PPIL3: variants seen among roughly 807,000 people sequenced by gnomAD.
PPIL3 encodes peptidylprolyl isomerase like 3, also known as peptidyl-prolyl cis-trans isomerase-like 3.
In PPIL3, 13 loss-of-function variants were observed where a neutral mutation model predicts 20.9. The ratio of observed to expected loss-of-function variants is 0.62; its 90% CI spans 0.40 to 0.99. The LOEUF (loss-of-function observed/expected upper bound fraction) is 0.99, where lower values mean the gene tolerates loss of function less well. Ranked by LOEUF, PPIL3 falls within the 50% of genes least tolerant of loss-of-function variation. PPIL3 has a pLI of 0.00. For synonymous variants in PPIL3, 71 were observed against 64.4 expected (o/e 1.10, Z -0.49); for missense variants, 170 against 195.2 (o/e 0.87, Z 0.77).
intron 6 of PPIL3, 144 bp downstream of exon 6, chr2:200,876,775 G>C (rs1232330849): frequency 3.1e-6 from 2 of 650,338 alleles, no homozygotes; most frequent in East Asian, 5.6e-5. Flanking sequence ...TGCCCACCTT[G>C]GCCTCCCAAA....
chr2:200,883,784 A>G lies in PPIL3; in HGVS notation c.79-1349T>C, dbSNP rs141280403. The stretch of plus-strand genomic sequence containing the variant: ...AATGGGTTTCTTGTTTCGTTTTGAG[A>G]CAGGGTCTTGCTCTGTCACCTAGGC... On this transcript the variant is annotated intron_variant, in intron 3 of 6. Transcript: ENST00000392283. Among the ~76,000 whole-genome samples, 161 of 152,230 alleles carry G rather than the reference A, an allele frequency of 1.1e-3. 1 individual carries two copies. The highest frequency in any genetic ancestry group is 3.6e-3 in the African/African-American group (150 of 41,550).
Position 200,871,060 on chromosome 2 carries a change from A to G in PPIL3, c.*335T>C, listed in dbSNP as rs2039288814. 5.7e-6 allele frequency: 1 copy of G among 175,470 alleles called. No homozygotes were observed. The highest frequency in any genetic ancestry group is 1.2e-5 in the Non-Finnish European group (1 of 83,276). 10.9% of individuals were successfully genotyped at this position (175,470 alleles called of 1,614,324 possible). A position where few individuals can be genotyped will look rare whatever the true frequency, so the allele number is the denominator to read the frequency against. On this transcript the variant is annotated 3_prime_UTR_variant, in exon 7 of 7. Coordinates refer to ENST00000392283, the MANE Select transcript of PPIL3 (RefSeq NM_130906.3). ...ATAAAATAACACTTCCAGGATACGG[A>G]CTTGCTGTGGGAGGAATATGTAATC...
chr2:200,884,544 GT>G (rs1307480064), intron 3 of PPIL3, among the ~76,000 whole-genome samples: 1 of 151,936 alleles, frequency 6.6e-6, no homozygotes, highest in Non-Finnish European at 1.5e-5. Flanking sequence ...TCGAGACCAA[GT>G]TGGGCAACAT....
intron 5 of PPIL3, 84 bp from the exon 6 acceptor site, chr2:200,877,121 G>A (rs1280292582): frequency 6.5e-6 from 6 of 927,082 alleles, no homozygotes; most frequent in South Asian, 5.7e-5. Flanking sequence ...GCACACCTTT[G>A]TTTTCTTTTT....
In PPIL3 at chr2:200,887,623, C is replaced by G. The variant is rs1432471600; in HGVS notation, c.-8G>C. 1.0e-5 allele frequency: 16 copies of G among 1,603,476 alleles called. No homozygotes were observed. Among genetic ancestry groups the G allele is most frequent in the Non-Finnish European group, 1.4e-5 (16 of 1,174,154 alleles). ...TTGCTCAAAACTTACCATTTTTCCT[C>G]TTAGTGGTTTCAGGAAGGACTACGT... On this transcript the variant is annotated 5_prime_UTR_variant, in exon 2 of 7. Transcript: ENST00000392283.
Position 200,887,664 on chromosome 2 carries a change from C to T in PPIL3, c.-49G>A, listed in dbSNP as rs2124847757. 1 of 1,554,594 alleles carries T rather than the reference C, an allele frequency of 6.4e-7. No individual in the cohort carries two copies. The highest frequency in any genetic ancestry group is 8.7e-7 in the Non-Finnish European group (1 of 1,144,630). On this transcript the variant is annotated 5_prime_UTR_variant, in exon 2 of 7. Transcript: ENST00000392283. ...AGGACTACGTGATTTCTCAGTCTTA[C>T]AGCGAGCTCAAAAATAAGTCTCTAG...
chr2:200,877,380 G>T (rs1428681168), intron 5 of PPIL3: 1 of 188,766 alleles, frequency 5.3e-6, no homozygotes, highest in Non-Finnish European at 1.1e-5. Context: ...TTGAAAACTT[G>T]TATGTAAAAG....
At chr2:200,882,666 T>C (rs1054620657) in intron 3 of PPIL3, among the ~76,000 whole-genome samples, 4 of 152,008 alleles carry the variant, frequency 2.6e-5, no homozygotes, top group Non-Finnish European at 2.9e-5. Context: ...TCCCAGCACT[T>C]TGGGAGGCCG....
intron 3 of PPIL3, among the ~76,000 whole-genome samples, chr2:200,884,454 C>T (rs2039854850): frequency 6.6e-6 from 1 of 152,048 alleles, no homozygotes. Context: ...ATGTATAGAA[C>T]AGGCCAGGCA....
chr2:200,889,269 C>A (rs1228028900), upstream of PPIL3: 3 of 324,686 alleles, frequency 9.2e-6, no homozygotes, highest in African/African-American at 6.5e-5. Flanking sequence ...CAATGCTTTA[C>A]ACTCGGCTGC....
intron 2 of PPIL3, among the ~76,000 whole-genome samples, chr2:200,886,350 G>A (rs1194796462): frequency 6.6e-6 from 1 of 151,542 alleles, no homozygotes; most frequent in African/African-American, 2.4e-5. Context: ...CTGTTTTTCT[G>A]TAACCTGTAT....
upstream of PPIL3, chr2:200,889,097 G>C: frequency 1.1e-5 from 5 of 467,744 alleles, no homozygotes; most frequent in South Asian, 7.7e-5. Context: ...GAGAGAGAAC[G>C]CCCCTTACCG....
chr2:200,880,748 C>A (rs2039694381), intron 5 of PPIL3, among the ~76,000 whole-genome samples: 1 of 150,566 alleles, frequency 6.6e-6, no homozygotes, highest in Non-Finnish European at 1.5e-5. Flanking sequence ...TTTGAAAGAC[C>A]ACATAATAAG....
chr2:200,883,689 T>C (rs1228899058), intron 3 of PPIL3, among the ~76,000 whole-genome samples: 1 of 152,184 alleles, frequency 6.6e-6, no homozygotes, highest in African/African-American at 2.4e-5. Flanking sequence ...ATTGGCTCCA[T>C]GAGGGTAAGG....
intron 5 of PPIL3, among the ~76,000 whole-genome samples, chr2:200,879,137 T>A (rs549689734): frequency 6.6e-6 from 1 of 152,056 alleles, no homozygotes; most frequent in African/African-American, 2.4e-5. Flanking sequence ...TTTTTTTTTT[T>A]AGACGGAGTC....
chr2:200,885,588 A>C, intron 3 of PPIL3, 110 bp downstream of exon 3: 1 of 729,208 alleles, frequency 1.4e-6, no homozygotes, highest in South Asian at 1.6e-5. Context: ...TTTCCCTAAC[A>C]ATGGTTTTAC....
chr2:200,874,122 G>A (rs933082586), intron 6 of PPIL3, among the ~76,000 whole-genome samples: 7 of 150,464 alleles, frequency 4.7e-5, no homozygotes, highest in South Asian at 2.1e-4. Flanking sequence ...GGAGAATGGC[G>A]TGAACCCAGG....
chr2:200,877,180 C>CT (rs2105765961), intron 5 of PPIL3, 143 bp from the exon 6 acceptor site: 2 of 613,590 alleles, frequency 3.3e-6, no homozygotes, highest in Non-Finnish European at 5.8e-6. Context: ...AGGCTGGTCT[C>CT]TAACTCCTAG....
chr2:200,875,457 G>A (rs944495958), intron 6 of PPIL3, among the ~76,000 whole-genome samples: 22 of 152,114 alleles, frequency 1.4e-4, no homozygotes, highest in Admixed American at 4.6e-4. Context: ...TAGTAGAGAT[G>A]GGGTTTCACC....
Sources: gnomAD v4.1 joint callset for allele counts (sites outside exome capture counted in the v4.1 genomes callset) on GRCh38, gnomAD v4.1.1 for gene constraint, MANE v1.5 for transcripts, NCBI Gene and HGNC (gene_info 2026-07-23, HGNC 2026-07-21) for gene names.